RAB17: variants seen among roughly 807,000 people sequenced by gnomAD.
RAB17 encodes RAB17, member RAS oncogene family.
A neutral mutation model predicts 19.3 loss-of-function variants in RAB17; 15 were observed. The observed-to-expected ratio is 0.78, with a 90% confidence interval of 0.52 to 1.20. The LOEUF (loss-of-function observed/expected upper bound fraction) is 1.20, where lower values mean the gene tolerates loss of function less well. Ranked by LOEUF, RAB17 falls within the 50% of genes most tolerant of loss-of-function variation. The pLI, the probability that RAB17 is intolerant of heterozygous loss-of-function variation, is 0.00. For missense variants in RAB17, 262 were observed against 269.3 expected, an observed-to-expected ratio of 0.97 and a Z score of 0.19; for synonymous variants, 110 against 112.8, an observed-to-expected ratio of 0.97 and a Z score of 0.16.
In RAB17 at chr2:237,574,519, T is replaced by C. The variant is rs1211004046; in HGVS notation, c.*500A>G. 1 of 1,550,276 alleles carries C rather than the reference T, an allele frequency of 6.5e-7. No homozygotes were observed. Among genetic ancestry groups the C allele is most frequent in the Non-Finnish European group, 8.7e-7 (1 of 1,146,910 alleles). On this transcript the variant is annotated 3_prime_UTR_variant, in exon 6 of 6. Coordinates refer to ENST00000264601, the MANE Select transcript of RAB17 (RefSeq NM_022449.4). Reference sequence around the variant, plus strand: ...CTTCCCAGGGGCAACTTCACCAAGATGTGGAAATCCTGGGCCCACCCCACA... The same window carrying C: ...CTTCCCAGGGGCAACTTCACCAAGACGTGGAAATCCTGGGCCCACCCCACA...
chr2:237,583,683 C>T (rs1385467738), intron 2 of RAB17, among the ~76,000 whole-genome samples: 2 of 152,218 alleles, frequency 1.3e-5, no homozygotes, highest in African/African-American at 2.4e-5. Context: ...CCTCCCACCC[C>T]GGCCCCATCA....
intron 2 of RAB17, among the ~76,000 whole-genome samples, chr2:237,581,843 G>A (rs980070276): frequency 3.0e-4 from 46 of 152,374 alleles, no homozygotes; most frequent in African/African-American, 9.9e-4. Flanking sequence ...CAACAAGTCT[G>A]GGGTTAGTTG....
Position 237,575,206 on chromosome 2 carries a change from C to T in RAB17, c.530-78G>A. ...GCACAGCCCTGCAGACCAGCCACCC[C>T]AGGACCCGCCCCTCCTGTGTTTACC... On this transcript the variant is annotated intron_variant, in intron 5 of 5. Transcript: ENST00000264601. The T allele has an allele frequency of 5.7e-6, 7 of 1,232,774 alleles. No homozygotes were observed. The South Asian group carries it at 9.7e-5, about 17-fold the overall frequency. The allele number at this position is 1,232,774 out of a possible 1,614,324, so 76.4% of individuals were successfully genotyped here. A position where few individuals can be genotyped will look rare whatever the true frequency, so the allele number is the denominator to read the frequency against.
intron 1 of RAB17, among the ~76,000 whole-genome samples, chr2:237,588,184 G>A (rs927458496): frequency 6.6e-6 from 1 of 152,150 alleles, no homozygotes; most frequent in Non-Finnish European, 1.5e-5. Context: ...TGGGTCATGA[G>A]GACTCTGCCC....
At chr2:237,576,409 A>C (rs745964650) in intron 4 of RAB17, among the ~76,000 whole-genome samples, 9 of 152,094 alleles carry the variant, frequency 5.9e-5, no homozygotes, top group Non-Finnish European at 1.0e-4. Context: ...CAGAGGGCAC[A>C]GCTCTGCTGC....
At position 237,574,358 on chromosome 2, in the gene RAB17, A is replaced by T. The variant is rs1388691061; in HGVS notation, c.*661T>A. ...AAGCAATTTAATTTTTGGAGGAAAA[A>T]CTGCATACGCAGTACAACTTATATC... On this transcript the variant is annotated 3_prime_UTR_variant, in exon 6 of 6. Transcript: ENST00000264601. 7 of 1,446,560 alleles carry T rather than the reference A, an allele frequency of 4.8e-6. No individual in the cohort carries two copies. The highest frequency in any genetic ancestry group is 3.6e-4 in the Middle Eastern group (2 of 5,604). 89.6% of individuals were successfully genotyped at this position (1,446,560 alleles called of 1,614,324 possible). A position where few individuals can be genotyped will look rare whatever the true frequency, so the allele number is the denominator to read the frequency against.
Position 237,586,744 on chromosome 2 carries a change from G to A in RAB17, c.-3-587C>T, listed in dbSNP as rs552779900. ...CAAAATAAACGTGGGCGACCCCTGC[G>A]TATTTTTCATCATAGAAACTTTCAT... On this transcript the variant is annotated intron_variant, in intron 1 of 5. Transcript: ENST00000264601. Among the ~76,000 whole-genome samples the A allele has an allele frequency of 1.2e-4, 19 of 152,192 alleles. 1 individual carries two copies. In the South Asian group the frequency reaches 2.1e-3, roughly 17 times the overall value.
Position 237,574,669 on chromosome 2 carries a change from T to TTCC in RAB17, c.*347_*349dup. On this transcript the variant is annotated 3_prime_UTR_variant, in exon 6 of 6. Transcript: ENST00000264601. The stretch of plus-strand genomic sequence containing the variant: ...CCATCAAGATCAGACGTAAGGCATC[T>TTCC]TCCCACCGTCGCTGTGCTGCGGGGA... 6.9e-7 allele frequency: 1 copy of TTCC among 1,459,346 alleles called. No individual in the cohort carries two copies. Among genetic ancestry groups the TTCC allele is most frequent in the Non-Finnish European group, 9.1e-7 (1 of 1,103,506 alleles). The allele number at this position is 1,459,346 out of a possible 1,614,324, so 90.4% of individuals were successfully genotyped here.
At chr2:237,578,560 C>A in intron 2 of RAB17, 1 of 170,082 alleles carries the variant, frequency 5.9e-6, no homozygotes, top group Middle Eastern at 2.9e-3. Context: ...CGGCCCCTCG[C>A]CTGCCAGACC....
At chr2:237,575,820 C>T in intron 4 of RAB17, 1 of 288,816 alleles carries the variant, frequency 3.5e-6, no homozygotes, top group East Asian at 6.7e-5. Context: ...ACTGAGAACC[C>T]AGGAAACATG....
chr2:237,577,457 A>G (rs973252199), intron 3 of RAB17, 75 bp from the exon 4 acceptor site: 35 of 1,482,596 alleles, frequency 2.4e-5, no homozygotes, highest in Non-Finnish European at 3.0e-5. Context: ...GGGGGAAGCC[A>G]GTGTTGCTGA....
chr2:237,588,287 G>A (rs750662676), intron 1 of RAB17, among the ~76,000 whole-genome samples: 3 of 152,186 alleles, frequency 2.0e-5, no homozygotes, highest in Non-Finnish European at 4.4e-5. Context: ...TCCACTGTGG[G>A]ATGACACAGC....
chr2:237,578,176 G>A (rs1166959658), intron 2 of RAB17, 21 bp from the exon 3 acceptor site: 3 of 1,592,008 alleles, frequency 1.9e-6, no homozygotes, highest in Admixed American at 1.7e-5. Flanking sequence ...GAGGCCCAGA[G>A]GGCTTACTCA....
intron 1 of RAB17, among the ~76,000 whole-genome samples, chr2:237,589,693 G>C (rs966561342): frequency 6.6e-6 from 1 of 152,140 alleles, no homozygotes; most frequent in African/African-American, 2.4e-5. Context: ...AATCAAGATG[G>C]GGTTATTAGT....
intron 2 of RAB17, among the ~76,000 whole-genome samples, chr2:237,579,798 C>T (rs1025051830): frequency 1.3e-5 from 2 of 151,916 alleles, no homozygotes; most frequent in African/African-American, 2.4e-5. Context: ...GCAGCAAGAC[C>T]GTGCTTCTCT....
In RAB17 at chr2:237,574,366, C is replaced by T. The variant is rs984079182; in HGVS notation, c.*653G>A. On this transcript the variant is annotated 3_prime_UTR_variant, in exon 6 of 6. Coordinates refer to ENST00000264601, the MANE Select transcript of RAB17 (RefSeq NM_022449.4). ...TAATTTTTGGAGGAAAAACTGCATA[C>T]GCAGTACAACTTATATCTCAGGCGA... 1.6e-5 allele frequency: 24 copies of T among 1,473,678 alleles called. No homozygotes were observed. Among genetic ancestry groups the T allele is most frequent in the Admixed American group, 7.7e-5 (3 of 39,214 alleles). 91.3% of individuals were successfully genotyped at this position (1,473,678 alleles called of 1,614,324 possible). A position where few individuals can be genotyped will look rare whatever the true frequency, so the allele number is the denominator to read the frequency against.
chr2:237,576,205 G>C (rs938715832), intron 4 of RAB17, among the ~76,000 whole-genome samples: 2 of 151,984 alleles, frequency 1.3e-5, no homozygotes, highest in African/African-American at 2.4e-5. Context: ...ATCCACCATC[G>C]TGAGTGCACT....
chr2:237,577,927 T>A, intron 3 of RAB17, 77 bp downstream of exon 3: 1 of 1,469,244 alleles, frequency 6.8e-7, no homozygotes, highest in African/African-American at 1.4e-5. Context: ...GATTACGCCA[T>A]GGCATCATTG....
At chr2:237,586,500 C>A (rs2081351521) in intron 1 of RAB17, among the ~76,000 whole-genome samples, 2 of 143,306 alleles carry the variant, frequency 1.4e-5, no homozygotes, top group South Asian at 4.4e-4. Flanking sequence ...TTTTACAAAT[C>A]TATTACTTGT....
Sources: gnomAD v4.1 joint callset for allele counts (sites outside exome capture counted in the v4.1 genomes callset) on GRCh38, gnomAD v4.1.1 for gene constraint, MANE v1.5 for transcripts, NCBI Gene and HGNC (gene_info 2026-07-23, HGNC 2026-07-21) for gene names.